The following ENTREP2 variants were observed in gnomAD, a reference collection of about 807,000 sequenced individuals.
The protein encoded by ENTREP2 is endosomal transmembrane epsin interactor 2.
chr15:29,542,158 G>A, the ENTREP2 span, among the ~76,000 whole-genome samples: 3 of 152,242 alleles, frequency 2.0e-5, no homozygotes, highest in Admixed American at 2.0e-4. Flanking sequence ...GATTACAGGC[G>A]TGTGCCACCA....
At chr15:29,446,385 G>C in the ENTREP2 span, among the ~76,000 whole-genome samples, 6 of 151,500 alleles carry the variant, frequency 4.0e-5, no homozygotes, top group Non-Finnish European at 8.8e-5. Flanking sequence ...TTCTTGGAAG[G>C]TTTTTTTTTC....
chr15:29,276,433 A>C, the ENTREP2 span, among the ~76,000 whole-genome samples: 9 of 152,322 alleles, frequency 5.9e-5, no homozygotes, highest in South Asian at 1.7e-3. Flanking sequence ...TCCCACCTTT[A>C]AAAGACCTTA....
the ENTREP2 span, among the ~76,000 whole-genome samples, chr15:29,501,803 T>C: frequency 1.3e-3 from 200 of 152,074 alleles, no homozygotes; most frequent in Non-Finnish European, 2.4e-3. Context: ...CACATACATA[T>C]TAAAGCTAAT....
the ENTREP2 span, among the ~76,000 whole-genome samples, chr15:29,261,381 A>AATT: frequency 2.0e-5 from 3 of 152,138 alleles, no homozygotes; most frequent in Non-Finnish European, 4.4e-5. Flanking sequence ...TATCTCTAAA[A>AATT]AGTTTTTTAA....
chr15:29,270,344 C>T, the ENTREP2 span, among the ~76,000 whole-genome samples: 1 of 152,222 alleles, frequency 6.6e-6, no homozygotes, highest in Non-Finnish European at 1.5e-5. Context: ...TCTGCGCAAG[C>T]AGGACTTCAG....
chr15:29,332,392 G>A, the ENTREP2 span, among the ~76,000 whole-genome samples: 1 of 151,856 alleles, frequency 6.6e-6, no homozygotes. Context: ...ATTATTTATA[G>A]GTAGCTTCTA....
chr15:29,635,647 T>C, the ENTREP2 span, among the ~76,000 whole-genome samples: 1 of 152,180 alleles, frequency 6.6e-6, no homozygotes. Flanking sequence ...AGACCCCGTG[T>C]AGGCCTCTCC....
chr15:29,628,782 C>T, the ENTREP2 span, among the ~76,000 whole-genome samples: 6 of 152,296 alleles, frequency 3.9e-5, no homozygotes, highest in East Asian at 9.6e-4. Flanking sequence ...CAGATCCTCA[C>T]TCTGTCATCC....
chr15:29,580,560 G>A, the ENTREP2 span, among the ~76,000 whole-genome samples: 79 of 152,310 alleles, frequency 5.2e-4, no homozygotes, highest in African/African-American at 1.8e-3. Flanking sequence ...CAAAGGGAAA[G>A]TTAGGCCTAC....
chr15:29,325,589 G>A, the ENTREP2 span, among the ~76,000 whole-genome samples: 2 of 152,110 alleles, frequency 1.3e-5, no homozygotes, highest in African/African-American at 2.4e-5. Flanking sequence ...AGCTACTAAA[G>A]AAACTGAATC....
the ENTREP2 span, among the ~76,000 whole-genome samples, chr15:29,272,939 C>G: frequency 1.3e-5 from 2 of 152,096 alleles, no homozygotes; most frequent in Non-Finnish European, 2.9e-5. Context: ...AACTGCTGGT[C>G]AATTGTGCCA....
At chr15:29,652,762 T>C in the ENTREP2 span, among the ~76,000 whole-genome samples, 1 of 152,226 alleles carries the variant, frequency 6.6e-6, no homozygotes, top group Non-Finnish European at 1.5e-5. Context: ...CCGGCCCACT[T>C]GACTGTGTGC....
At chr15:29,533,462 G>C in the ENTREP2 span, among the ~76,000 whole-genome samples, 1 of 152,160 alleles carries the variant, frequency 6.6e-6, no homozygotes, top group African/African-American at 2.4e-5. Flanking sequence ...ACTAGACTCG[G>C]GGATAAGAAA....
the ENTREP2 span, among the ~76,000 whole-genome samples, chr15:29,133,265 A>G: frequency 1.3e-5 from 2 of 152,040 alleles, no homozygotes; most frequent in Non-Finnish European, 2.9e-5. Context: ...CTCTTTACCA[A>G]ACATCCTGCG....
At chr15:29,154,972 C>G in the ENTREP2 span, among the ~76,000 whole-genome samples, 3 of 152,304 alleles carry the variant, frequency 2.0e-5, no homozygotes, top group South Asian at 2.1e-4. Context: ...AAAAATGAGT[C>G]CTGAACTTAA....
the ENTREP2 span, among the ~76,000 whole-genome samples, chr15:29,444,216 AAGAAAGAAAG>A: frequency 6.6e-6 from 1 of 151,152 alleles, no homozygotes; most frequent in South Asian, 2.1e-4. Flanking sequence ...GAAAGAAAGA[AAGAAAGAAAG>A]AAAGAAAGAA....
chr15:29,201,804 T>C, the ENTREP2 span, among the ~76,000 whole-genome samples: 1 of 152,204 alleles, frequency 6.6e-6, no homozygotes, highest in African/African-American at 2.4e-5. Context: ...AAAAATCAAT[T>C]TGGAAATGTT....
At chr15:29,387,344 A>T in the ENTREP2 span, among the ~76,000 whole-genome samples, 1 of 152,246 alleles carries the variant, frequency 6.6e-6, no homozygotes, top group African/African-American at 2.4e-5. Flanking sequence ...AAGAGAGCCA[A>T]ATCATGAGTG....
At chr15:29,356,417 C>T in the ENTREP2 span, among the ~76,000 whole-genome samples, 1 of 147,234 alleles carries the variant, frequency 6.8e-6, no homozygotes, top group African/African-American at 2.5e-5. Flanking sequence ...CGCCATTCTC[C>T]CACCTCGCCT....
Sources: allele counts gnomAD v4.1 joint callset (sites outside exome capture counted in the v4.1 genomes callset), GRCh38; gene constraint gnomAD v4.1.1; transcripts MANE v1.5; gene names NCBI Gene and HGNC (gene_info 2026-07-23, HGNC 2026-07-21).